CELF4: variants seen among roughly 807,000 people sequenced by gnomAD.
CELF4 encodes CUGBP Elav-like family member 4.
Under a neutral mutation model 59.9 loss-of-function variants are expected in CELF4, and 18 were observed. That is an observed-to-expected ratio of 0.30 (90% CI 0.21 to 0.45). The LOEUF is 0.45. CELF4 is among the 20% of genes least tolerant of loss of function. CELF4 has a pLI of 1.00. For synonymous variants in CELF4, 261 were observed against 267.1 expected (o/e 0.98, Z 0.22); for missense variants, 456 against 689.0 (o/e 0.66, Z 3.79).
At chr18:37,307,789 A>C (rs2096490273) in intron 3 of CELF4, among the ~76,000 whole-genome samples, 1 of 148,798 alleles carries the variant, frequency 6.7e-6, no homozygotes, top group Non-Finnish European at 1.5e-5. Flanking sequence ...TCTGTGAGAG[A>C]CAGGAGTTAA....
chr18:37,339,852 G>T (rs1371916613), intron 2 of CELF4, among the ~76,000 whole-genome samples: 1 of 152,132 alleles, frequency 6.6e-6, no homozygotes, highest in African/African-American at 2.4e-5. Context: ...ATAGCAGAGG[G>T]GGGCAGGGGG....
chr18:37,287,325 C>A (rs2094893358), intron 3 of CELF4, among the ~76,000 whole-genome samples: 1 of 152,234 alleles, frequency 6.6e-6, no homozygotes, highest in Non-Finnish European at 1.5e-5. Flanking sequence ...GGGATAGAGC[C>A]CTTCAGACTG....
chr18:37,273,456 G>A, intron 6 of CELF4: 1 of 1,118,042 alleles, frequency 8.9e-7, no homozygotes, highest in Non-Finnish European at 1.1e-6. Flanking sequence ...AGTCAGCCCT[G>A]TGTACAGCCT....
intron 3 of CELF4, among the ~76,000 whole-genome samples, chr18:37,314,028 C>T (rs1337518941): frequency 2.0e-5 from 3 of 152,214 alleles, no homozygotes; most frequent in Admixed American, 1.3e-4. Flanking sequence ...CTCAGGGATG[C>T]CTCCCAGGCT....
At chr18:37,266,749 T>G (rs1601259227) in intron 8 of CELF4, 151 bp from the exon 9 acceptor site, 1 of 696,432 alleles carries the variant, frequency 1.4e-6, no homozygotes, top group Non-Finnish European at 2.4e-6. Flanking sequence ...AAACCCTGAG[T>G]GCCTGGACCC....
At chr18:37,421,220 A>G (rs553133823) in intron 2 of CELF4, among the ~76,000 whole-genome samples, 1 of 152,316 alleles carries the variant, frequency 6.6e-6, no homozygotes, top group South Asian at 2.1e-4. Context: ...GATGGAAACT[A>G]AGGTTCAGAG....
intron 1 of CELF4, among the ~76,000 whole-genome samples, chr18:37,528,711 G>A (rs772384716): frequency 6.6e-6 from 1 of 152,108 alleles, no homozygotes; most frequent in African/African-American, 2.4e-5. Context: ...ATGGGGTCTC[G>A]AGTGGGAGGG....
intron 2 of CELF4, among the ~76,000 whole-genome samples, chr18:37,419,698 AGGGACGCCCTCC>A (rs1226726013): frequency 6.6e-6 from 1 of 152,194 alleles, no homozygotes; most frequent in East Asian, 1.9e-4. Flanking sequence ...TAAAACCCTC[AGGGACGCCCTCC>A]GGTACCCAAA....
At chr18:37,498,397 T>C (rs2099927615) in intron 1 of CELF4, among the ~76,000 whole-genome samples, 1 of 130,530 alleles carries the variant, frequency 7.7e-6, no homozygotes. Context: ...CATCTCCCCT[T>C]CTCTTCCCTC....
At chr18:37,256,656 G>C (rs1255089897) in intron 11 of CELF4, among the ~76,000 whole-genome samples, 2 of 152,018 alleles carry the variant, frequency 1.3e-5, no homozygotes, top group Non-Finnish European at 2.9e-5. Flanking sequence ...TGTGATCTCG[G>C]CTAACAGCAA....
At chr18:37,371,531 A>G (rs763505084) in intron 2 of CELF4, among the ~76,000 whole-genome samples, 1 of 152,228 alleles carries the variant, frequency 6.6e-6, no homozygotes, top group Non-Finnish European at 1.5e-5. Context: ...CTTTCCAGAG[A>G]TGTCCTCAGA....
chr18:37,281,068 C>A (rs149725268), intron 3 of CELF4, among the ~76,000 whole-genome samples: 53 of 152,330 alleles, frequency 3.5e-4, no homozygotes, highest in African/African-American at 1.2e-3. Context: ...AAGGATGGGG[C>A]TCGGGCTGAA....
chr18:37,543,006 C>T (rs1464565469), intron 1 of CELF4, among the ~76,000 whole-genome samples: 1 of 152,130 alleles, frequency 6.6e-6, no homozygotes, highest in South Asian at 2.1e-4. Context: ...ATCACACCCA[C>T]CTCCATTTTA....
chr18:37,533,939 T>C (rs945395591), intron 1 of CELF4, among the ~76,000 whole-genome samples: 5 of 152,180 alleles, frequency 3.3e-5, no homozygotes, highest in Admixed American at 6.5e-5. Flanking sequence ...GATTATTGGA[T>C]CCTGGCTCCT....
chr18:37,387,597 T>A (rs889151913), intron 2 of CELF4, among the ~76,000 whole-genome samples: 1 of 152,100 alleles, frequency 6.6e-6, no homozygotes, highest in East Asian at 1.9e-4. Context: ...AGAGTCTCGA[T>A]GTAAAGTTGA....
chr18:37,375,447 C>T (rs1444476812), intron 2 of CELF4, among the ~76,000 whole-genome samples: 1 of 152,128 alleles, frequency 6.6e-6, no homozygotes, highest in East Asian at 1.9e-4. Context: ...CTAGGGAGCC[C>T]CCCACTGGCA....
intron 2 of CELF4, among the ~76,000 whole-genome samples, chr18:37,344,657 C>A (rs2098183471): frequency 6.6e-6 from 1 of 152,326 alleles, no homozygotes; most frequent in Admixed American, 6.5e-5. Context: ...ATGTGCACAG[C>A]TTTCTGTATT....
chr18:37,403,741 C>T (rs1223458601), intron 2 of CELF4, among the ~76,000 whole-genome samples: 5 of 152,130 alleles, frequency 3.3e-5, no homozygotes, highest in Non-Finnish European at 5.9e-5. Flanking sequence ...TGATACGTGT[C>T]GGAGTTTACA....
chr18:37,292,866 CT>C (rs1319652183), intron 3 of CELF4, among the ~76,000 whole-genome samples: 21 of 152,204 alleles, frequency 1.4e-4, no homozygotes, highest in African/African-American at 4.8e-4. Flanking sequence ...AAATACACTG[CT>C]GGTATTTTAT....
Sources: gnomAD v4.1 joint callset for allele counts (sites outside exome capture counted in the v4.1 genomes callset) on GRCh38, gnomAD v4.1.1 for gene constraint, MANE v1.5 for transcripts, NCBI Gene and HGNC (gene_info 2026-07-23, HGNC 2026-07-21) for gene names.